The following MMD2 variants were observed in gnomAD, a reference collection of about 807,000 sequenced individuals.
MMD2 encodes monocyte to macrophage differentiation associated 2.
In MMD2, 30 loss-of-function variants were observed where a neutral mutation model predicts 33.5. That is an observed-to-expected ratio of 0.90 (90% CI 0.67 to 1.22). MMD2 has a LOEUF of 1.22. Among genes scored for constraint, MMD2 ranks in the 50% most tolerant of loss-of-function variants. The pLI, the probability that MMD2 is intolerant of heterozygous loss-of-function variation, is 0.00. For missense variants in MMD2, 364 were observed against 325.4 expected (o/e 1.12, Z -0.91); for synonymous variants, 129 against 123.0 (o/e 1.05, Z -0.32).
Position 4,907,035 on chromosome 7 carries a change from A to C in MMD2, c.*361T>G, listed in dbSNP as rs567096768. 1 of 285,806 alleles carries C rather than the reference A, an allele frequency of 3.5e-6. No homozygotes were observed. The highest frequency in any genetic ancestry group is 6.6e-6 in the Non-Finnish European group (1 of 151,372). The allele number at this position is 285,806 out of a possible 1,614,324, so 17.7% of individuals were successfully genotyped here. A position where few individuals can be genotyped will look rare whatever the true frequency, so the allele number is the denominator to read the frequency against. ...GGCCACCCAGGTATAAACAACCCACAGGACTCTTTGCCAGATTCTTCAGGA... is the reference window on the plus strand; with the variant it reads ...GGCCACCCAGGTATAAACAACCCACCGGACTCTTTGCCAGATTCTTCAGGA... On this transcript the variant is annotated 3_prime_UTR_variant, in exon 7 of 7. Coordinates refer to ENST00000401401, the MANE Select transcript of MMD2 (RefSeq NM_198403.4).
the MMD2 span, among the ~76,000 whole-genome samples, chr7:4,895,545 T>C: frequency 1.3e-5 from 2 of 151,462 alleles, no homozygotes; most frequent in Non-Finnish European, 2.9e-5. Context: ...TTTTTTTCTT[T>C]TCTTTTTTTG....
At chr7:4,893,773 A>G in the MMD2 span, among the ~76,000 whole-genome samples, 4 of 152,152 alleles carry the variant, frequency 2.6e-5, no homozygotes, top group Non-Finnish European at 5.9e-5. Context: ...CCCAGAACTA[A>G]GGGCTCCTCC....
At chr7:4,912,368 C>A (rs1300435976) in intron 4 of MMD2, among the ~76,000 whole-genome samples, 1 of 151,796 alleles carries the variant, frequency 6.6e-6, no homozygotes, top group Non-Finnish European at 1.5e-5. Context: ...ACCATCCTGG[C>A]TAACATGGTG....
At chr7:4,907,799 T>C (rs1784901979) in intron 6 of MMD2, among the ~76,000 whole-genome samples, 200 bp from the exon 7 acceptor site, 2 of 152,202 alleles carry the variant, frequency 1.3e-5, no homozygotes, top group Admixed American at 6.5e-5. Context: ...CTCATTTCTA[T>C]TAAAACTTCA....
intron 2 of MMD2, among the ~76,000 whole-genome samples, chr7:4,921,077 CTAGA>C (rs1379150226): frequency 6.6e-6 from 1 of 152,136 alleles, no homozygotes; most frequent in African/African-American, 2.4e-5. Flanking sequence ...CAGTGCAGGT[CTAGA>C]TCTTTGATTC....
intron 1 of MMD2, among the ~76,000 whole-genome samples, chr7:4,933,796 T>C (rs2115127136): frequency 6.6e-6 from 1 of 151,160 alleles, no homozygotes; most frequent in East Asian, 2.0e-4. Context: ...CCATGCCTGG[T>C]TAATTTTTAA....
the MMD2 span, among the ~76,000 whole-genome samples, chr7:4,896,155 T>G: frequency 1.3e-5 from 2 of 152,146 alleles, no homozygotes; most frequent in Non-Finnish European, 2.9e-5. Flanking sequence ...TTATTATTGA[T>G]TTTTGAGAGA....
chr7:4,933,724 C>T (rs191141770), intron 1 of MMD2, among the ~76,000 whole-genome samples: 1 of 152,050 alleles, frequency 6.6e-6, no homozygotes, highest in Non-Finnish European at 1.5e-5. Context: ...CCTCGCATTC[C>T]GAGGCCCAAT....
At chr7:4,935,947 G>T (rs1785729129) in intron 1 of MMD2, among the ~76,000 whole-genome samples, 1 of 151,994 alleles carries the variant, frequency 6.6e-6, no homozygotes. Flanking sequence ...CACTTTGGGA[G>T]GCCGAGGCAA....
At chr7:4,957,072 G>C (rs1448350293) in intron 1 of MMD2, among the ~76,000 whole-genome samples, 1 of 151,108 alleles carries the variant, frequency 6.6e-6, no homozygotes, top group African/African-American at 2.4e-5. Flanking sequence ...AGGCTGAGGC[G>C]GGTGAATCAC....
intron 2 of MMD2, among the ~76,000 whole-genome samples, chr7:4,921,083 C>A (rs1285288220): frequency 1.3e-5 from 2 of 152,164 alleles, no homozygotes; most frequent in Non-Finnish European, 1.5e-5. Flanking sequence ...AGGTCTAGAT[C>A]TTTGATTCAA....
chr7:4,898,501 G>A, the MMD2 span, among the ~76,000 whole-genome samples: 1 of 152,226 alleles, frequency 6.6e-6, no homozygotes, highest in Admixed American at 6.5e-5. Flanking sequence ...GGATAGGATA[G>A]GGTAGGGAAG....
chr7:4,911,582 A>C (rs1397536099), intron 4 of MMD2, among the ~76,000 whole-genome samples: 11 of 141,092 alleles, frequency 7.8e-5, no homozygotes, highest in Non-Finnish European at 1.2e-4. Flanking sequence ...GCAGCTAACC[A>C]AAGCAATGCT....
intron 1 of MMD2, among the ~76,000 whole-genome samples, chr7:4,934,847 T>C (rs1785693250): frequency 6.6e-6 from 1 of 152,140 alleles, no homozygotes; most frequent in African/African-American, 2.4e-5. Context: ...AGCTTCCAAG[T>C]ATGTAAACGG....
chr7:4,925,423 G>A, intron 2 of MMD2, 28 bp downstream of exon 2: 1 of 1,490,872 alleles, frequency 6.7e-7, no homozygotes, highest in Non-Finnish European at 9.0e-7. Flanking sequence ...CCCCATCTCA[G>A]CCCTGAGCCC....
At chr7:4,954,754 C>CT (rs934743252) in intron 1 of MMD2, among the ~76,000 whole-genome samples, 1 of 152,138 alleles carries the variant, frequency 6.6e-6, no homozygotes, top group African/African-American at 2.4e-5. Context: ...GTTCATCAAT[C>CT]TTTTTTTTAT....
downstream of MMD2, among the ~76,000 whole-genome samples, chr7:4,900,995 C>T (rs1220228951): frequency 6.6e-6 from 1 of 151,608 alleles, no homozygotes; most frequent in African/African-American, 2.4e-5. Context: ...TAAAAATTAG[C>T]CGGGTATGGT....
chr7:4,958,868 A>T, intron 1 of MMD2, 103 bp downstream of exon 1: 1 of 1,043,108 alleles, frequency 9.6e-7, no homozygotes, highest in Non-Finnish European at 1.2e-6. Context: ...GATCCCCTCT[A>T]GCGCTCCGGG....
intron 1 of MMD2, among the ~76,000 whole-genome samples, chr7:4,930,709 G>A (rs999745670): frequency 4.6e-5 from 7 of 151,422 alleles, no homozygotes; most frequent in African/African-American, 7.3e-5. Context: ...ACACGGGGAC[G>A]ACAGCCATGT....
Sources: allele counts gnomAD v4.1 joint callset (sites outside exome capture counted in the v4.1 genomes callset), GRCh38; gene constraint gnomAD v4.1.1; transcripts MANE v1.5; gene names NCBI Gene and HGNC (gene_info 2026-07-23, HGNC 2026-07-21).